The following YY1AP1 variants were observed in gnomAD, a reference collection of about 807,000 sequenced individuals.
YY1AP1 encodes the protein YY1 associated protein 1.
In YY1AP1, 43 loss-of-function variants were observed where a neutral mutation model predicts 39.9. The ratio of observed to expected loss-of-function variants is 1.08; its 90% CI spans 0.84 to 1.39. YY1AP1 has a LOEUF of 1.39. Ranked by LOEUF, YY1AP1 falls within the 40% of genes most tolerant of loss-of-function variation. The pLI is 0.00. For missense variants in YY1AP1, 813 were observed against 900.7 expected (o/e 0.90, Z 1.25); for synonymous variants, 292 against 331.3 (o/e 0.88, Z 1.29).
Position 155,660,211 on chromosome 1 carries a change from G to A in YY1AP1, c.1699C>T (p.Leu567Phe). 6.2e-6 allele frequency: 10 copies of A among 1,614,172 alleles called. No homozygotes were observed. The highest frequency in any genetic ancestry group is 8.5e-6 in the Non-Finnish European group (10 of 1,180,036). ...VPATTVKIVS[L>F]GGGCNMIQPV... ...TGGATCATGTTACAGCCACCGCCAAGGCTCACAATCTTCACAGTGGTAGCA... is the reference window on the plus strand; with the variant it reads ...TGGATCATGTTACAGCCACCGCCAAAGCTCACAATCTTCACAGTGGTAGCA... The change falls in exon 11 of 11, where the codon CTT becomes TTT. Residue 567 changes from leucine (L) to phenylalanine (F), a missense_variant. Physicochemically the swap from Leu to Phe is conservative, Grantham distance 22. Transcript: ENST00000355499.
At chr1:155,688,910 C>A (rs376878473), upstream of YY1AP1, 111 of 1,613,000 alleles carry the variant, frequency 6.9e-5, no homozygotes, top group Non-Finnish European at 8.6e-5. Flanking sequence ...GGTGGCCGGC[C>A]GAGTCCCATG....
chr1:155,677,473 G>A (rs1363703149), intron 4 of YY1AP1, among the ~76,000 whole-genome samples: 1 of 152,060 alleles, frequency 6.6e-6, no homozygotes, highest in African/African-American at 2.4e-5. Flanking sequence ...AAGAAATAAA[G>A]GGAGAATAAT....
intron 9 of YY1AP1, 80 bp downstream of exon 9, chr1:155,668,547 C>G: frequency 6.2e-7 from 1 of 1,609,000 alleles, no homozygotes; most frequent in South Asian, 1.1e-5. Flanking sequence ...GAAGGTTCTT[C>G]TTTTCTTTGA....
chr1:155,681,468 G>A (rs1651504039), intron 2 of YY1AP1, among the ~76,000 whole-genome samples: 1 of 152,100 alleles, frequency 6.6e-6, no homozygotes, highest in African/African-American at 2.4e-5. Flanking sequence ...CATGCATATA[G>A]TCCCATATAC....
At chr1:155,661,506 G>A in intron 9 of YY1AP1, 83 bp from the exon 10 acceptor site, 1 of 1,514,172 alleles carries the variant, frequency 6.6e-7, no homozygotes, top group Non-Finnish European at 9.1e-7. Context: ...GGTGGTGGTG[G>A]ATCAAGAGAA....
rs758608021 is a variant in YY1AP1 at position 155,676,576 on chromosome 1, C to A, written c.296G>T (p.Arg99Met). ...HQTLILDPAQRKRLQQQMQQH... is the reference protein window; with the variant it reads ...HQTLILDPAQMKRLQQQMQQH... ...CTGCATCTGCTGCTGGAGTCTCTTCCTTTGTGCTGGGTCCAGAATCAGGGT... is the reference window on the plus strand; with the variant it reads ...CTGCATCTGCTGCTGGAGTCTCTTCATTTGTGCTGGGTCCAGAATCAGGGT... The change falls in exon 5 of 11, where the codon AGG (arginine) becomes ATG (methionine). Residue 99 changes from arginine to methionine, a missense_variant. Physicochemically the swap from Arg to Met is moderately conservative, Grantham distance 91. This residue lies in a region of YY1AP1 where 196 missense variants were observed against 189.7 expected (regional missense o/e 1.03). Transcript: ENST00000355499. 1 of 1,614,198 alleles carries A rather than the reference C, an allele frequency of 6.2e-7. No homozygotes were observed. Among genetic ancestry groups the A allele is most frequent in the Non-Finnish European group, 8.5e-7 (1 of 1,180,032 alleles).
chr1:155,688,503 C>T, intron 1 of YY1AP1, 156 bp downstream of exon 1: 1 of 1,548,028 alleles, frequency 6.5e-7, no homozygotes, highest in Non-Finnish European at 8.7e-7. Context: ...CGAGTGTCTA[C>T]GGGCTCGTCG....
intron 6 of YY1AP1, among the ~76,000 whole-genome samples, chr1:155,673,639 GC>G (rs1384100493): frequency 6.6e-6 from 1 of 152,058 alleles, no homozygotes; most frequent in Admixed American, 6.6e-5. Flanking sequence ...AACGTCCCAG[GC>G]TCAAGTGATC....
At chr1:155,676,952 C>T (rs867844956) in intron 4 of YY1AP1, among the ~76,000 whole-genome samples, 2 of 152,148 alleles carry the variant, frequency 1.3e-5, no homozygotes, top group Admixed American at 1.3e-4. Flanking sequence ...GTATTACACC[C>T]CATCCCATTC....
At chr1:155,671,259 CA>C in intron 7 of YY1AP1, among the ~76,000 whole-genome samples, 1 of 151,852 alleles carries the variant, frequency 6.6e-6, no homozygotes, top group South Asian at 2.1e-4. Context: ...AGTGAAACCC[CA>C]TCTCTACCAA....
In YY1AP1 at chr1:155,659,554, G is replaced by C. The variant is rs1647698953; in HGVS notation, c.*103C>G. ...CAAGAGCCCCAGTTGCAAAATCTGG[G>C]GTTTAAGTACCCTTTAGGGGTTTCC... On this transcript the variant is annotated 3_prime_UTR_variant, in exon 11 of 11. Coordinates refer to ENST00000355499, the MANE Select transcript of YY1AP1 (RefSeq NM_139119.3). 7.6e-7 allele frequency: 1 copy of C among 1,312,558 alleles called. No homozygotes were observed. Among genetic ancestry groups the C allele is most frequent in the Non-Finnish European group, 1.1e-6 (1 of 950,352 alleles). The allele number at this position is 1,312,558 out of a possible 1,614,324, so 81.3% of individuals were successfully genotyped here.
At chr1:155,667,849 G>A (rs2149037271) in intron 9 of YY1AP1, among the ~76,000 whole-genome samples, 1 of 151,872 alleles carries the variant, frequency 6.6e-6, no homozygotes, top group Admixed American at 6.6e-5. Context: ...AGTAAAAAGA[G>A]TTGAGAAAAA....
Position 155,668,635 on chromosome 1 carries a change from T to A in YY1AP1, c.871A>T (p.Ile291Phe), listed in dbSNP as rs1226112896. Residue 291 changes from isoleucine to phenylalanine, a missense_variant, in exon 9 of 11, where the codon ATC (isoleucine) becomes TTC (phenylalanine). Ile to Phe is a conservative substitution (Grantham distance 21). This residue lies in a region of YY1AP1 where 586 missense variants were observed against 647.4 expected (regional missense o/e 0.91). Transcript: ENST00000355499. ...ATGCAGGAAACACTCACTTTAATGA[T>A]GTTGTCAGGAGCTCTGTTCATGTTG... is the stretch of plus-strand genomic sequence containing the variant. ...NLNMNRAPDN[I>F]IKFYKKTKQL... 3 of 1,614,030 alleles carry A rather than the reference T, an allele frequency of 1.9e-6. No homozygotes were observed. Among genetic ancestry groups the A allele is most frequent in the African/African-American group, 2.7e-5 (2 of 74,910 alleles).
chr1:155,667,610 G>A (rs921940636), intron 9 of YY1AP1, among the ~76,000 whole-genome samples: 22 of 152,246 alleles, frequency 1.4e-4, no homozygotes, highest in Non-Finnish European at 2.5e-4. Context: ...GATCACCTGA[G>A]GTCAGGAGTT....
intron 2 of YY1AP1, among the ~76,000 whole-genome samples, chr1:155,686,270 C>T (rs557678932): frequency 2.6e-5 from 4 of 151,696 alleles, no homozygotes; most frequent in South Asian, 4.2e-4. Flanking sequence ...CTCCTGACCT[C>T]GTGATTCGAT....
chr1:155,682,343 T>A (rs1651643661), intron 2 of YY1AP1, among the ~76,000 whole-genome samples: 1 of 152,202 alleles, frequency 6.6e-6, no homozygotes, highest in African/African-American at 2.4e-5. Flanking sequence ...GTTCTTGATA[T>A]CATGTAAAAT....
intron 7 of YY1AP1, chr1:155,670,698 C>T (rs1043180207): frequency 2.0e-5 from 8 of 406,836 alleles, no homozygotes; most frequent in African/African-American, 4.5e-5. Flanking sequence ...TTTTTTTAGA[C>T]GGAGTCTGGC....
intron 2 of YY1AP1, among the ~76,000 whole-genome samples, chr1:155,686,102 T>G (rs1316619570): frequency 2.2e-5 from 3 of 134,732 alleles, no homozygotes; most frequent in Non-Finnish European, 4.6e-5. Flanking sequence ...TGGCGCAATC[T>G]CAGCTCACTG....
In YY1AP1 at chr1:155,659,478, T is replaced by A; in HGVS notation, c.*179A>T. The A allele has an allele frequency of 1.5e-6, 1 of 653,090 alleles. No individual in the cohort carries two copies. Among genetic ancestry groups the A allele is most frequent in the Admixed American group, 2.6e-5 (1 of 38,024 alleles). 40.5% of individuals were successfully genotyped at this position (653,090 alleles called of 1,614,324 possible). A position where few individuals can be genotyped will look rare whatever the true frequency, so the allele number is the denominator to read the frequency against. On this transcript the variant is annotated 3_prime_UTR_variant, in exon 11 of 11. Transcript: ENST00000355499. ...ATGAAGCAATAAAAGCACAGATTTA[T>A]TGAAGCAAAAGTATATTCCACAGAG...
Sources: allele counts gnomAD v4.1 joint callset (sites outside exome capture counted in the v4.1 genomes callset), GRCh38; gene constraint gnomAD v4.1.1; regional missense constraint gnomAD v4.1.1; transcripts MANE v1.5; gene names NCBI Gene and HGNC (gene_info 2026-07-23, HGNC 2026-07-21).